The following PARVA variants were observed in gnomAD, a reference collection of about 807,000 sequenced individuals.
PARVA encodes parvin alpha.
Under a neutral mutation model 52.6 loss-of-function variants are expected in PARVA, and 25 were observed. The ratio of observed to expected loss-of-function variants is 0.48; its 90% confidence interval spans 0.35 to 0.66. PARVA has a LOEUF of 0.66. PARVA is among the 30% of genes least tolerant of loss of function. PARVA has a pLI of 0.01. For missense variants in PARVA, 373 were observed against 450.9 expected, an observed-to-expected ratio of 0.83 and a Z score of 1.56; for synonymous variants, 185 against 179.1, an observed-to-expected ratio of 1.03 and a Z score of -0.26.
At chr11:12,414,318 C>T (rs1225973469) in intron 1 of PARVA, among the ~76,000 whole-genome samples, 1 of 152,192 alleles carries the variant, frequency 6.6e-6, no homozygotes, top group Non-Finnish European at 1.5e-5. Context: ...AGTCAAAGAT[C>T]CAACAGACTT....
chr11:12,483,150 C>A (rs1256320339), intron 4 of PARVA, among the ~76,000 whole-genome samples: 2 of 152,330 alleles, frequency 1.3e-5, no homozygotes, highest in Middle Eastern at 3.4e-3. Context: ...AGGCCCCAGG[C>A]ATTTCTGGTA....
Position 12,517,597 on chromosome 11 carries a change from G to A in PARVA, c.868-13G>A. ...GCTCAGGGGCCAGTGCCATCACCTG[G>A]CTCTTCCTCCAGTTTGCAGATGGGG... is the stretch of plus-strand genomic sequence containing the variant. On this transcript the variant is annotated splice_polypyrimidine_tract_variant and intron_variant, in intron 10 of 12. Transcript: ENST00000334956. The A allele has an allele frequency of 1.3e-6, 2 of 1,570,388 alleles. No individual in the cohort carries two copies. Among genetic ancestry groups the A allele is most frequent in the Non-Finnish European group, 1.7e-6 (2 of 1,153,864 alleles).
Position 12,466,902 on chromosome 11 carries a change from C to G in PARVA, c.137-6843C>G, listed in dbSNP as rs535258771. ...CGCCTTTTTGTGTAAACTTTAGAATCAGTTTGTCAATATCCACAAAATAGC... is the reference window on the plus strand; with the variant it reads ...CGCCTTTTTGTGTAAACTTTAGAATGAGTTTGTCAATATCCACAAAATAGC... On this transcript the variant is annotated intron_variant, in intron 1 of 12. Transcript: ENST00000334956. Among the ~76,000 whole-genome samples the G allele has an allele frequency of 2.0e-5, 3 of 152,256 alleles. No homozygotes were observed. The South Asian group carries it at 6.2e-4, about 32-fold the overall frequency.
chr11:12,507,807 G>A (rs1941450925), intron 6 of PARVA, among the ~76,000 whole-genome samples: 1 of 152,148 alleles, frequency 6.6e-6, no homozygotes, highest in African/African-American at 2.4e-5. Flanking sequence ...ATTCTCAGGT[G>A]TCTACTTCTT....
chr11:12,469,146 C>T (rs1940896427), intron 1 of PARVA, among the ~76,000 whole-genome samples: 2 of 152,104 alleles, frequency 1.3e-5, no homozygotes, highest in Admixed American at 1.3e-4. Flanking sequence ...TACCGAAGTT[C>T]AAGGAGGTTA....
At chr11:12,490,562 AAC>A (rs1446870962) in intron 4 of PARVA, among the ~76,000 whole-genome samples, 2 of 152,032 alleles carry the variant, frequency 1.3e-5, no homozygotes, top group Admixed American at 1.3e-4. Context: ...ATTTTCAATA[AAC>A]ACAAACTGAG....
intron 4 of PARVA, chr11:12,480,907 T>C (rs1941077903): frequency 6.6e-6 from 1 of 152,044 alleles, no homozygotes; most frequent in South Asian, 2.1e-4. Context: ...TTTCTTTTTT[T>C]AACGACCCTG....
At chr11:12,489,361 A>G (rs1941202907) in intron 4 of PARVA, among the ~76,000 whole-genome samples, 1 of 152,124 alleles carries the variant, frequency 6.6e-6, no homozygotes, top group East Asian at 1.9e-4. Context: ...TGAAACTAGA[A>G]ACCTCAATGG....
intron 1 of PARVA, among the ~76,000 whole-genome samples, chr11:12,380,791 A>G (rs575305864): frequency 6.6e-6 from 1 of 152,186 alleles, no homozygotes; most frequent in Non-Finnish European, 1.5e-5. Flanking sequence ...TAATGCAGCT[A>G]AGGTTGCCTC....
At chr11:12,513,934 C>A in intron 9 of PARVA, 63 bp from the exon 10 acceptor site, 1 of 1,426,082 alleles carries the variant, frequency 7.0e-7, no homozygotes, top group Non-Finnish European at 9.7e-7. Flanking sequence ...AGTCACGGAG[C>A]AGCCACAGGC....
At chr11:12,484,152 C>G (rs751494329) in intron 4 of PARVA, among the ~76,000 whole-genome samples, 9 of 152,226 alleles carry the variant, frequency 5.9e-5, no homozygotes, top group Non-Finnish European at 8.8e-5. Flanking sequence ...AGGCAGTAGG[C>G]ATGACTGAGT....
intron 11 of PARVA, 49 bp downstream of exon 11, chr11:12,517,760 C>T: frequency 1.5e-6 from 2 of 1,290,386 alleles, no homozygotes; most frequent in Non-Finnish European, 2.2e-6. Flanking sequence ...CATCCCCTGA[C>T]TCATGTGCCC....
At chr11:12,376,738 AG>A (rs944002191), upstream of PARVA, 2 of 984,560 alleles carry the variant, frequency 2.0e-6, no homozygotes, top group Non-Finnish European at 2.4e-6. Context: ...GAGATGGGTA[AG>A]CTCAATAACA....
At chr11:12,483,930 C>G (rs1941122909) in intron 4 of PARVA, among the ~76,000 whole-genome samples, 1 of 152,170 alleles carries the variant, frequency 6.6e-6, no homozygotes, top group South Asian at 2.1e-4. Flanking sequence ...CCTTCCTACC[C>G]CAGCCAAAAA....
intron 1 of PARVA, among the ~76,000 whole-genome samples, chr11:12,465,136 C>T (rs965369883): frequency 6.6e-6 from 1 of 152,162 alleles, no homozygotes; most frequent in Non-Finnish European, 1.5e-5. Flanking sequence ...TGGACCAGTA[C>T]TGGTCCACGT....
chr11:12,467,612 G>T (rs57942710), intron 1 of PARVA, among the ~76,000 whole-genome samples: 46,727 of 152,068 alleles, frequency 0.31, 7,515 homozygotes, highest in East Asian at 0.49. Context: ...GTTGTCTTTA[G>T]CTGCCAAGAG....
intron 6 of PARVA, among the ~76,000 whole-genome samples, chr11:12,504,924 A>C (rs1224340291): frequency 6.6e-6 from 1 of 152,078 alleles, no homozygotes; most frequent in Non-Finnish European, 1.5e-5. Context: ...GTACATGTGC[A>C]TGTGTTTGAG....
intron 12 of PARVA, among the ~76,000 whole-genome samples, chr11:12,524,831 A>G (rs1941680498): frequency 1.3e-5 from 2 of 152,258 alleles, no homozygotes; most frequent in African/African-American, 4.8e-5. Flanking sequence ...TCCAGGACAG[A>G]GGCAGATGTT....
At chr11:12,387,575 A>G (rs201655476) in intron 1 of PARVA, among the ~76,000 whole-genome samples, 6 of 125,234 alleles carry the variant, frequency 4.8e-5, no homozygotes, top group South Asian at 5.3e-4. Context: ...GTGTGTGTGT[A>G]TGTAGCTTAT....
Sources: allele counts gnomAD v4.1 joint callset (sites outside exome capture counted in the v4.1 genomes callset), GRCh38; gene constraint gnomAD v4.1.1; transcripts MANE v1.5; gene names NCBI Gene and HGNC (gene_info 2026-07-23, HGNC 2026-07-21).